Variants in ANKS1B observed in about 807,000 individuals in gnomAD.
ANKS1B encodes the protein ankyrin repeat and sterile alpha motif domain-containing protein 1B.
ANKS1B carries 36 observed loss-of-function variants against 148.3 expected under a neutral mutation model. The observed-to-expected ratio is 0.24, with a 90% CI of 0.19 to 0.32. ANKS1B has a LOEUF of 0.32. Among genes scored for constraint, ANKS1B ranks in the 10% least tolerant of loss-of-function variants. The pLI, the probability that ANKS1B is intolerant of heterozygous loss-of-function variation, is 1.00. For missense variants in ANKS1B, 1,157 were observed against 1,542.6 expected (o/e 0.75, Z 4.19); for synonymous variants, 542 against 560.8 (o/e 0.97, Z 0.47).
chr12:98,845,432 G>C (rs986413777), intron 17 of ANKS1B, among the ~76,000 whole-genome samples: 1 of 152,102 alleles, frequency 6.6e-6, no homozygotes, highest in Admixed American at 6.6e-5. Flanking sequence ...CTCAAAAGTG[G>C]CTGATTATTT....
intron 14 of ANKS1B, among the ~76,000 whole-genome samples, chr12:99,238,638 G>C (rs2088552969): frequency 2.0e-5 from 3 of 152,324 alleles, no homozygotes. Context: ...TAGCCTGACT[G>C]GGAGACATCT....
chr12:99,820,190 CAGTAG>C (rs748377489), intron 2 of ANKS1B, among the ~76,000 whole-genome samples: 1 of 151,692 alleles, frequency 6.6e-6, no homozygotes, highest in South Asian at 2.1e-4. Flanking sequence ...AAGAAATCAC[CAGTAG>C]AGTACATTTT....
intron 8 of ANKS1B, among the ~76,000 whole-genome samples, chr12:99,716,765 G>C (rs1034522269): frequency 6.6e-6 from 1 of 151,954 alleles, no homozygotes; most frequent in Non-Finnish European, 1.5e-5. Context: ...CCTCCCGCCT[G>C]TCCCCTCAGT....
intron 17 of ANKS1B, among the ~76,000 whole-genome samples, chr12:98,832,925 G>A (rs531896393): frequency 3.2e-4 from 49 of 152,168 alleles, no homozygotes; most frequent in Admixed American, 1.6e-3. Context: ...AAAAAATAAG[G>A]GATTAATGAA....
At chr12:99,877,937 G>A (rs1278222614) in intron 1 of ANKS1B, among the ~76,000 whole-genome samples, 2 of 152,098 alleles carry the variant, frequency 1.3e-5, no homozygotes, top group African/African-American at 4.8e-5. Context: ...GCTTGCTCCT[G>A]TAGTCCCAGC....
intron 19 of ANKS1B, among the ~76,000 whole-genome samples, chr12:98,815,936 A>G (rs1389436039): frequency 6.6e-6 from 1 of 152,054 alleles, no homozygotes; most frequent in Non-Finnish European, 1.5e-5. Context: ...AGGTCATTCC[A>G]CTCAGCTCCA....
At chr12:98,919,978 A>T (rs2099799301) in intron 17 of ANKS1B, among the ~76,000 whole-genome samples, 1 of 152,202 alleles carries the variant, frequency 6.6e-6, no homozygotes, top group South Asian at 2.1e-4. Context: ...TCTGAAAGTG[A>T]TGGTGTATTA....
At chr12:99,361,463 A>G (rs1427639094) in intron 12 of ANKS1B, among the ~76,000 whole-genome samples, 2 of 152,046 alleles carry the variant, frequency 1.3e-5, no homozygotes, top group Non-Finnish European at 2.9e-5. Flanking sequence ...ATTGTACTGT[A>G]TCACCTAAAT....
chr12:99,789,602 A>C lies in ANKS1B; in HGVS notation c.670-7505T>G, dbSNP rs776918910. 8.1e-4 allele frequency among the ~76,000 whole-genome samples: 123 copies of C among 152,214 alleles called. 1 individual carries two copies. The highest frequency in any genetic ancestry group is 2.2e-4 in the Non-Finnish European group (15 of 68,038). ...AGAATTCTATCAGATAAATTTAACA[A>C]AGAGATTGAAATAATTAAAAAGAAT... On this transcript the variant is annotated intron_variant, in intron 4 of 26. Transcript: ENST00000683438.
chr12:99,572,576 CAG>C (rs1306068878), intron 9 of ANKS1B, among the ~76,000 whole-genome samples: 2 of 152,134 alleles, frequency 1.3e-5, no homozygotes, highest in South Asian at 2.1e-4. Context: ...GTTTTAAACA[CAG>C]TGTATAAAAT....
At chr12:99,047,874 A>T (rs2099963514) in intron 17 of ANKS1B, among the ~76,000 whole-genome samples, 1 of 152,210 alleles carries the variant, frequency 6.6e-6, no homozygotes. Context: ...AAGGGTCTAC[A>T]TAAAGGAATG....
chr12:99,960,757 T>C (rs1233643487), intron 1 of ANKS1B, among the ~76,000 whole-genome samples: 1 of 152,144 alleles, frequency 6.6e-6, no homozygotes, highest in African/African-American at 2.4e-5. Context: ...TTAAAAATAG[T>C]AATAATGGCA....
At chr12:98,782,418 T>C (rs1194466992) in intron 22 of ANKS1B, among the ~76,000 whole-genome samples, 3 of 152,224 alleles carry the variant, frequency 2.0e-5, no homozygotes, top group South Asian at 4.1e-4. Context: ...ACCTTCCACT[T>C]TGAGCTTTCA....
chr12:99,343,351 GT>G (rs2090200309), intron 12 of ANKS1B, among the ~76,000 whole-genome samples: 1 of 151,928 alleles, frequency 6.6e-6, no homozygotes, highest in Admixed American at 6.6e-5. Context: ...TTTGAAGTTT[GT>G]TTTTTTACAC....
At chr12:99,754,673 T>A (rs996507260) in intron 8 of ANKS1B, among the ~76,000 whole-genome samples, 3 of 152,108 alleles carry the variant, frequency 2.0e-5, no homozygotes, top group Admixed American at 2.0e-4. Context: ...GCAATTAAAT[T>A]GGAAATCAAG....
intron 1 of ANKS1B, among the ~76,000 whole-genome samples, chr12:99,909,217 C>CATATGTGTGT (rs1399208524): frequency 1.5e-5 from 2 of 137,314 alleles, no homozygotes; most frequent in African/African-American, 5.5e-5. Context: ...AATATTCCAT[C>CATATGTGTGT]GTGTGTGTGT....
intron 17 of ANKS1B, among the ~76,000 whole-genome samples, chr12:98,927,318 G>A (rs1375363555): frequency 6.6e-6 from 1 of 152,114 alleles, no homozygotes; most frequent in Non-Finnish European, 1.5e-5. Context: ...CTTATCACTA[G>A]CAGATCTTGC....
intron 9 of ANKS1B, among the ~76,000 whole-genome samples, chr12:99,624,614 T>C (rs1047991534): frequency 3.3e-5 from 5 of 151,894 alleles, no homozygotes; most frequent in Admixed American, 1.3e-4. Flanking sequence ...CTCAAAGGAA[T>C]GCATACAAGT....
intron 8 of ANKS1B, among the ~76,000 whole-genome samples, chr12:99,676,656 TAA>T (rs1287752604): frequency 1.3e-5 from 2 of 152,228 alleles, no homozygotes; most frequent in Non-Finnish European, 2.9e-5. Flanking sequence ...AATATTCCAT[TAA>T]GTCTTTTCTA....
Sources: gnomAD v4.1 joint callset for allele counts (sites outside exome capture counted in the v4.1 genomes callset) on GRCh38, gnomAD v4.1.1 for gene constraint, MANE v1.5 for transcripts, NCBI Gene and HGNC (gene_info 2026-07-23, HGNC 2026-07-21) for gene names.